SULF1: variants seen among roughly 807,000 people sequenced by gnomAD.
The protein encoded by SULF1 is sulfatase 1, also known as extracellular sulfatase Sulf-1.
A neutral mutation model predicts 110.5 loss-of-function variants in SULF1; 46 were observed. The observed-to-expected ratio is 0.42, with a 90% confidence interval of 0.33 to 0.53. The LOEUF (loss-of-function observed/expected upper bound fraction) is 0.53, where lower values mean the gene tolerates loss of function less well. Among genes scored for constraint, SULF1 ranks in the 20% least tolerant of loss-of-function variants. The pLI is 0.12. For synonymous variants in SULF1, 371 were observed against 387.1 expected (o/e 0.96, Z 0.49); for missense variants, 941 against 1,094.2 (o/e 0.86, Z 1.98).
chr8:69,501,382 G>C (rs957773260), intron 2 of SULF1, among the ~76,000 whole-genome samples: 3 of 152,086 alleles, frequency 2.0e-5, no homozygotes, highest in South Asian at 2.1e-4. Flanking sequence ...TTTTTCAGCT[G>C]TCAAAAATGT....
chr8:69,547,821 G>A (rs183571359), intron 3 of SULF1, among the ~76,000 whole-genome samples: 16 of 152,170 alleles, frequency 1.1e-4, no homozygotes, highest in Non-Finnish European at 1.3e-4. Context: ...CTCAACAAAG[G>A]GTTGCTGAAT....
At chr8:69,547,576 G>A (rs539960687) in intron 3 of SULF1, among the ~76,000 whole-genome samples, 5 of 152,094 alleles carry the variant, frequency 3.3e-5, no homozygotes, top group South Asian at 2.1e-4. Context: ...AAACATGAGC[G>A]CTGCACACCA....
At chr8:69,505,890 A>G (rs1026094159) in intron 3 of SULF1, among the ~76,000 whole-genome samples, 2 of 152,098 alleles carry the variant, frequency 1.3e-5, no homozygotes, top group African/African-American at 4.8e-5. Context: ...ACAGTCGCTT[A>G]AGAGTTTTTT....
chr8:69,627,090 A>G (rs1810133935), intron 15 of SULF1, 120 bp from the exon 16 acceptor site: 1 of 724,306 alleles, frequency 1.4e-6, no homozygotes, highest in Non-Finnish European at 2.4e-6. Context: ...GATCAGCTCA[A>G]CGGTTACTGC....
At chr8:69,473,263 T>A (rs999060397) in intron 1 of SULF1, 1 of 152,400 alleles carries the variant, frequency 6.6e-6, no homozygotes, top group East Asian at 1.9e-4. Flanking sequence ...TAGGAAACTA[T>A]GTCTACGTTT....
At chr8:69,573,190 C>G (rs942662780) in intron 5 of SULF1, among the ~76,000 whole-genome samples, 1 of 152,128 alleles carries the variant, frequency 6.6e-6, no homozygotes, top group Non-Finnish European at 1.5e-5. Context: ...CTATGGGGAT[C>G]CACTGTTGTC....
At chr8:69,525,530 C>T (rs545897647) in intron 3 of SULF1, among the ~76,000 whole-genome samples, 11 of 151,996 alleles carry the variant, frequency 7.2e-5, no homozygotes, top group Admixed American at 3.9e-4. Flanking sequence ...AAAGAATATT[C>T]AAAAGGAAAA....
At chr8:69,634,992 C>T (rs935290387) in intron 19 of SULF1, among the ~76,000 whole-genome samples, 2 of 152,140 alleles carry the variant, frequency 1.3e-5, no homozygotes, top group Non-Finnish European at 2.9e-5. Flanking sequence ...GAAGGGGTTT[C>T]GCCATGTTGG....
In SULF1 at chr8:69,500,803, C is replaced by T. The variant is rs201555213; in HGVS notation, c.-228-1071C>T. ...GAGGGTGGCATAAAACTAGCGGCGG[C>T]GGAGTTTCACTGCTGTTTGGAGTGG... On this transcript the variant is annotated intron_variant, in intron 2 of 22. Coordinates refer to ENST00000402687, the MANE Select transcript of SULF1 (RefSeq NM_001128205.2). 2.0e-4 allele frequency among the ~76,000 whole-genome samples: 30 copies of T among 152,160 alleles called. No homozygotes were observed. The East Asian group carries it at 4.1e-3, about 21-fold the overall frequency.
chr8:69,578,539 G>A (rs1005898528), intron 6 of SULF1, among the ~76,000 whole-genome samples: 9 of 123,278 alleles, frequency 7.3e-5, no homozygotes, highest in Non-Finnish European at 1.3e-4. Context: ...GTTCCAATGG[G>A]AAGAGCCGGC....
intron 16 of SULF1, 43 bp downstream of exon 16, chr8:69,627,349 A>C: frequency 6.7e-7 from 1 of 1,499,728 alleles, no homozygotes; most frequent in Non-Finnish European, 9.3e-7. Context: ...TCCAAACTCA[A>C]ACTCGGCCTG....
intron 3 of SULF1, among the ~76,000 whole-genome samples, chr8:69,528,901 G>C (rs1231254837): frequency 6.6e-6 from 1 of 152,110 alleles, no homozygotes; most frequent in African/African-American, 2.4e-5. Flanking sequence ...AAAGACACAT[G>C]AATTCACGGA....
At chr8:69,588,558 G>A (rs148563144) in intron 7 of SULF1, among the ~76,000 whole-genome samples, 60 of 152,274 alleles carry the variant, frequency 3.9e-4, no homozygotes, top group African/African-American at 1.4e-3. Flanking sequence ...TGAAGTGGGC[G>A]TGGGTGTTTC....
intron 9 of SULF1, among the ~76,000 whole-genome samples, chr8:69,601,242 G>A (rs752039): frequency 0.24 from 35,795 of 152,158 alleles, 4,443 homozygotes; most frequent in South Asian, 0.37. Flanking sequence ...AGCCAAACAA[G>A]ACGTGCCTCA....
intron 7 of SULF1, among the ~76,000 whole-genome samples, chr8:69,588,739 C>T (rs1806651070): frequency 6.6e-6 from 1 of 152,058 alleles, no homozygotes; most frequent in South Asian, 2.1e-4. Context: ...TTGTGTATTA[C>T]TTAAAATCCA....
intron 15 of SULF1, among the ~76,000 whole-genome samples, chr8:69,626,754 G>A (rs886855265): frequency 3.9e-5 from 6 of 152,244 alleles, no homozygotes; most frequent in Non-Finnish European, 7.3e-5. Context: ...AGGGCCGGCC[G>A]GCCTCTGCGA....
At chr8:69,522,109 G>A (rs182258417) in intron 3 of SULF1, among the ~76,000 whole-genome samples, 1 of 151,842 alleles carries the variant, frequency 6.6e-6, no homozygotes, top group African/African-American at 2.4e-5. Flanking sequence ...GGAGTGCAGT[G>A]GAATGATCTC....
intron 3 of SULF1, among the ~76,000 whole-genome samples, chr8:69,560,619 G>A (rs1815415880): frequency 6.6e-6 from 1 of 152,156 alleles, no homozygotes. Context: ...AAGATAAATT[G>A]TTAGTCTCTA....
intron 3 of SULF1, among the ~76,000 whole-genome samples, chr8:69,509,902 A>G (rs1192746919): frequency 2.0e-5 from 3 of 152,214 alleles, no homozygotes; most frequent in Admixed American, 6.5e-5. Flanking sequence ...AAGTCCATTT[A>G]GGTTAAACAG....
Sources: gnomAD v4.1 joint callset for allele counts (sites outside exome capture counted in the v4.1 genomes callset) on GRCh38, gnomAD v4.1.1 for gene constraint, MANE v1.5 for transcripts, NCBI Gene and HGNC (gene_info 2026-07-23, HGNC 2026-07-21) for gene names.